Variants in ZBTB25 observed in about 807,000 individuals in gnomAD.
ZBTB25 encodes zinc finger and BTB domain-containing protein 25.
Under a neutral mutation model 34.2 loss-of-function variants are expected in ZBTB25, and 20 were observed. That is an observed-to-expected ratio of 0.58 (90% CI 0.41 to 0.85). The LOEUF (loss-of-function observed/expected upper bound fraction) is 0.85. ZBTB25 is among the 40% of genes least tolerant of loss of function. ZBTB25 has a pLI of 0.00. For synonymous variants in ZBTB25, 175 were observed against 186.4 expected, an observed-to-expected ratio of 0.94 and a Z score of 0.50; for missense variants, 437 against 521.8, an observed-to-expected ratio of 0.84 and a Z score of 1.58.
intron 1 of ZBTB25, among the ~76,000 whole-genome samples, chr14:64,495,790 C>G (rs2079254289): frequency 1.3e-5 from 2 of 152,054 alleles, no homozygotes; most frequent in African/African-American, 2.4e-5. Context: ...AACCCCATCT[C>G]TACTAAAAAT....
chr14:64,450,905 C>T (rs1168901388), intron 2 of ZBTB25, among the ~76,000 whole-genome samples: 1 of 152,068 alleles, frequency 6.6e-6, no homozygotes, highest in African/African-American at 2.4e-5. Context: ...CAGTGGCTCA[C>T]CCCTGTAACC....
intron 2 of ZBTB25, chr14:64,459,765 A>G: frequency 6.5e-7 from 1 of 1,533,176 alleles, no homozygotes; most frequent in South Asian, 1.2e-5. Context: ...CCAGATCACC[A>G]TCCATCTTCA....
chr14:64,492,694 C>A (rs1427769176), intron 1 of ZBTB25, among the ~76,000 whole-genome samples: 3 of 151,810 alleles, frequency 2.0e-5, no homozygotes, highest in Non-Finnish European at 4.4e-5. Context: ...GGAAATGAGA[C>A]ATAGCACACT....
chr14:64,491,683 T>C (rs557765946), intron 1 of ZBTB25, among the ~76,000 whole-genome samples: 1 of 152,290 alleles, frequency 6.6e-6, no homozygotes, highest in East Asian at 1.9e-4. Flanking sequence ...CTGTACATCA[T>C]CTTCTCTACC....
chr14:64,449,670 C>T (rs879002526), intron 2 of ZBTB25: 6 of 1,599,100 alleles, frequency 3.8e-6, no homozygotes, highest in Non-Finnish European at 4.3e-6. Flanking sequence ...GAAAAGGGCA[C>T]AGTGAAGTTT....
Position 64,481,781 on chromosome 14 carries a change from C to G in ZBTB25, c.*5142G>C, listed in dbSNP as rs2078797271. The G allele has an allele frequency of 6.6e-6, 1 of 152,212 alleles. No homozygotes were observed. The allele number at this position is 152,212 out of a possible 1,614,324, so 9.4% of individuals were successfully genotyped here. Reference sequence around the variant, plus strand: ...CCAGTTTTCAAAATGTCCAACCATACAAACACAGAAGTACAGCAGAGAGAA... The same window carrying G: ...CCAGTTTTCAAAATGTCCAACCATAGAAACACAGAAGTACAGCAGAGAGAA... On this transcript the variant is annotated 3_prime_UTR_variant, in exon 3 of 3. Coordinates refer to ENST00000608382, the MANE Select transcript of ZBTB25 (RefSeq NM_006977.5).
At chr14:64,458,596 AG>A (rs2078512035) in intron 2 of ZBTB25, 2 of 449,598 alleles carry the variant, frequency 4.4e-6, no homozygotes, top group African/African-American at 2.0e-5. Context: ...ACTACAGGAG[AG>A]GTTAGACTCC....
Position 64,490,348 on chromosome 14 carries a change from A to AC in ZBTB25, c.173+12_173+13insG. 3 of 1,534,536 alleles carry AC rather than the reference A, an allele frequency of 2.0e-6. No homozygotes were observed. Among genetic ancestry groups the AC allele is most frequent in the Non-Finnish European group, 1.8e-6 (2 of 1,136,734 alleles). ...AATATTAAAAATTCTTATTTACAAA[A>AC]ACACATCCTTACCTTGTTTGGTGAA... On this transcript the variant is annotated intron_variant, in intron 2 of 2. Transcript: ENST00000608382.
chr14:64,475,397 C>A (rs912094770), downstream of ZBTB25, among the ~76,000 whole-genome samples: 1 of 151,854 alleles, frequency 6.6e-6, no homozygotes, highest in East Asian at 1.9e-4. Context: ...CGACATCATG[C>A]CATTGCACTC....
chr14:64,501,345 A>T (rs1271713398), intron 1 of ZBTB25, among the ~76,000 whole-genome samples: 1 of 152,212 alleles, frequency 6.6e-6, no homozygotes, highest in Non-Finnish European at 1.5e-5. Context: ...ATGAGGAAAA[A>T]TCCTAAGCTT....
At chr14:64,451,990 ATT>A (rs2078379983) in intron 2 of ZBTB25, among the ~76,000 whole-genome samples, 1 of 152,180 alleles carries the variant, frequency 6.6e-6, no homozygotes, top group East Asian at 1.9e-4. Context: ...TAGATAGATT[ATT>A]GCTCCTTTTA....
Position 64,487,617 on chromosome 14 carries a change from T to C in ZBTB25, c.614A>G (p.Gln205Arg). 1 of 1,606,554 alleles carries C rather than the reference T, an allele frequency of 6.2e-7. No individual in the cohort carries two copies. The highest frequency in any genetic ancestry group is 2.2e-5 in the East Asian group (1 of 44,788). ...EHQKPPVSIK[Q>R]ERCDPESVIS... ...CACAGATTCTGGGTCACATCTCTCC[T>C]GCTTGATGGAAACTGGGGGCTTCTG... Residue 205 changes from glutamine (Q) to arginine (R), a missense_variant, in exon 3 of 3, where the codon CAG becomes CGG. Coordinates refer to ENST00000608382, the MANE Select transcript of ZBTB25 (RefSeq NM_006977.5).
chr14:64,469,565 C>T lies in ZBTB25; in HGVS notation c.174-19927G>A, dbSNP rs377585854. 7.4e-5 allele frequency: 119 copies of T among 1,613,698 alleles called. No individual in the cohort carries two copies. Among genetic ancestry groups the T allele is most frequent in the Non-Finnish European group, 9.3e-5 (110 of 1,179,876 alleles). ...TAGAACTTCAGAACAATATGAAACACTCTTAATTGAAACAGCCTCTTCTCT... is the reference window on the plus strand; with the variant it reads ...TAGAACTTCAGAACAATATGAAACATTCTTAATTGAAACAGCCTCTTCTCT... On this transcript the variant is annotated intron_variant, in intron 2 of 2. Transcript: ENST00000555220.
chr14:64,483,200 A>T lies in ZBTB25; in HGVS notation c.*3723T>A, dbSNP rs1258285030. 3.3e-5 allele frequency: 5 copies of T among 152,208 alleles called. No individual in the cohort carries two copies. The highest frequency in any genetic ancestry group is 5.9e-5 in the Non-Finnish European group (4 of 68,030). The allele number at this position is 152,208 out of a possible 1,614,324, so 9.4% of individuals were successfully genotyped here. A position where few individuals can be genotyped will look rare whatever the true frequency, so the allele number is the denominator to read the frequency against. ...GCTTGGTAATCATTATGCAAACTGC[A>T]CTATACTATTAGGATACTGGCTAAC... On this transcript the variant is annotated 3_prime_UTR_variant, in exon 3 of 3. Coordinates refer to ENST00000608382, the MANE Select transcript of ZBTB25 (RefSeq NM_006977.5).
intron 2 of ZBTB25, chr14:64,455,030 T>A: frequency 1.3e-6 from 1 of 777,430 alleles, no homozygotes; most frequent in East Asian, 2.5e-5. Flanking sequence ...TCATAAGCTA[T>A]AAAGCAGGAG....
rs982740179 is a variant in ZBTB25 at position 64,458,160 on chromosome 14, C to T, written c.174-8522G>A. ...CTCCACCTCAGCCTGGGATTATAGG[C>T]GTGAGCCACTGTGCCCAGCATTAGT... On this transcript the variant is annotated intron_variant, in intron 2 of 2. Coordinates refer to the ZBTB25 transcript ENST00000555220. 22 of 1,364,148 alleles carry T rather than the reference C, an allele frequency of 1.6e-5. No homozygotes were observed. The East Asian group carries it at 2.1e-4, about 13-fold the overall frequency. The allele number at this position is 1,364,148 out of a possible 1,614,324, so 84.5% of individuals were successfully genotyped here.
At chr14:64,497,594 T>C (rs2079322238) in intron 1 of ZBTB25, among the ~76,000 whole-genome samples, 1 of 152,260 alleles carries the variant, frequency 6.6e-6, no homozygotes, top group South Asian at 2.1e-4. Flanking sequence ...ATAATAGTTT[T>C]AGCATTGATA....
chr14:64,462,948 G>C (rs1375259980), intron 2 of ZBTB25: 2 of 152,068 alleles, frequency 1.3e-5, no homozygotes, highest in Admixed American at 1.3e-4. Flanking sequence ...GATCAAGATG[G>C]GATAAATGGT....
At chr14:64,476,136 T>C (rs137955442), downstream of ZBTB25, among the ~76,000 whole-genome samples, 1 of 152,350 alleles carries the variant, frequency 6.6e-6, no homozygotes, top group African/African-American at 2.4e-5. Flanking sequence ...GTCTGCTCAG[T>C]ATGACTACAA....
Sources: allele counts gnomAD v4.1 joint callset (sites outside exome capture counted in the v4.1 genomes callset), GRCh38; gene constraint gnomAD v4.1.1; transcripts MANE v1.5; gene names NCBI Gene and HGNC (gene_info 2026-07-23, HGNC 2026-07-21).